Variants in EFHC1 observed in about 807,000 individuals in gnomAD.
EFHC1 encodes the protein EF-hand domain-containing protein 1.
Under a neutral mutation model 69.9 loss-of-function variants are expected in EFHC1, and 53 were observed. That is an observed-to-expected ratio of 0.76 (90% CI 0.61 to 0.95). The LOEUF (loss-of-function observed/expected upper bound fraction) is 0.95. Ranked by LOEUF, EFHC1 falls within the 40% of genes least tolerant of loss-of-function variation. The probability of loss-of-function intolerance (pLI) is 0.00; values close to 1 mark genes in which losing one functional copy is unlikely to be tolerated. For missense variants in EFHC1, 739 were observed against 798.7 expected (o/e 0.93, Z 0.90); for synonymous variants, 256 against 278.4 (o/e 0.92, Z 0.80).
intron 2 of EFHC1, among the ~76,000 whole-genome samples, chr6:52,432,414 C>G (rs938239223): frequency 6.6e-6 from 1 of 152,130 alleles, no homozygotes; most frequent in African/African-American, 2.4e-5. Flanking sequence ...GGCAAATTCT[C>G]TCAGAATTTG....
chr6:52,450,249 G>A (rs115809617), intron 3 of EFHC1, among the ~76,000 whole-genome samples: 2 of 152,138 alleles, frequency 1.3e-5, no homozygotes, highest in African/African-American at 4.8e-5. Flanking sequence ...TAGAATATGT[G>A]CCATGTGGTG....
chr6:52,420,399 G>A lies in EFHC1; in HGVS notation c.-12G>A. On this transcript the variant is annotated 5_prime_UTR_variant, in exon 1 of 11. Coordinates refer to ENST00000371068, the MANE Select transcript of EFHC1 (RefSeq NM_018100.4). Reference sequence around the variant, plus strand: ...AAGCAGGACCTAGGTGGCGGCGGTGGTACCGGCTGCAATGGTGTCCAATCC... The same window carrying A: ...AAGCAGGACCTAGGTGGCGGCGGTGATACCGGCTGCAATGGTGTCCAATCC... 1 of 1,614,240 alleles carries A rather than the reference G, an allele frequency of 6.2e-7. No individual in the cohort carries two copies. Among genetic ancestry groups the A allele is most frequent in the Non-Finnish European group, 8.5e-7 (1 of 1,180,040 alleles).
chr6:52,453,923 G>A, intron 4 of EFHC1, 172 bp from the exon 5 acceptor site: 2 of 1,482,812 alleles, frequency 1.3e-6, no homozygotes, highest in Non-Finnish European at 1.8e-6. Flanking sequence ...CATAATTTCA[G>A]ATGTTTTAGT....
At chr6:52,489,113 G>A (rs1765844503) in intron 9 of EFHC1, 1 of 152,208 alleles carries the variant, frequency 6.6e-6, no homozygotes, top group Non-Finnish European at 1.5e-5. Flanking sequence ...AGGGAAATAA[G>A]TTAAACAGAG....
rs368238981 is a variant in EFHC1 at position 52,479,674 on chromosome 6, C to A, written c.1527C>A (p.Asp509Glu). Reference sequence around the variant, plus strand: ...ACCGGTTCATCATCCTTGATACAGACGAGTATGTTTTGAAATACATGGAGA... The same window carrying A: ...ACCGGTTCATCATCCTTGATACAGAAGAGTATGTTTTGAAATACATGGAGA... ...FGHRFIILDT[D>E]EYVLKYMESN... is the part of the protein sequence containing the mutation. Residue 509 changes from aspartate to glutamate, a missense_variant, in exon 9 of 11, where the codon GAC becomes GAA. Asp to Glu is a conservative substitution (Grantham distance 45). Transcript: ENST00000371068. The A allele has an allele frequency of 1.2e-5, 20 of 1,614,042 alleles. No individual in the cohort carries two copies. The highest frequency in any genetic ancestry group is 1.7e-5 in the Non-Finnish European group (20 of 1,180,042).
intron 5 of EFHC1, among the ~76,000 whole-genome samples, chr6:52,462,701 T>C (rs1337508845): frequency 6.6e-6 from 1 of 151,950 alleles, no homozygotes; most frequent in Non-Finnish European, 1.5e-5. Context: ...GCCTGGCTAA[T>C]GTGGTGTGAA....
rs115205076 is a variant in EFHC1 at position 52,454,258 on chromosome 6, G to T, written c.887G>T (p.Arg296Leu). The T allele has an allele frequency of 6.2e-7, 1 of 1,613,978 alleles. No individual in the cohort carries two copies. Among genetic ancestry groups the T allele is most frequent in the Non-Finnish European group, 8.5e-7 (1 of 1,180,004 alleles). The change falls in exon 5 of 11, where the codon CGT becomes CTT. Residue 296 changes from arginine (R) to leucine (L), a missense_variant. Arg to Leu is a moderately radical substitution (Grantham distance 102, BLOSUM62 -2). Coordinates refer to ENST00000371068, the MANE Select transcript of EFHC1 (RefSeq NM_018100.4). ...DPFPLLMNRQ[R>L]VPKVLVENAK... is the part of the protein sequence containing the mutation. ...TTCCCACTCCTAATGAACCGCCAGC[G>T]TGTGCCCAAAGTTTTGGTGGAAAAT...
rs74377102 is a variant in EFHC1 at position 52,495,587 on chromosome 6, T to C, written c.*3246T>C. 0.053 allele frequency: 23,920 copies of C among 454,008 alleles called. 767 individuals are homozygous for C. Among genetic ancestry groups the C allele is most frequent in the South Asian group, 0.078 (5,022 of 64,480 alleles). 28.1% of individuals were successfully genotyped at this position (454,008 alleles called of 1,614,324 possible). A position where few individuals can be genotyped will look rare whatever the true frequency, so the allele number is the denominator to read the frequency against. On this transcript the variant is annotated 3_prime_UTR_variant, in exon 11 of 11. Coordinates refer to ENST00000371068, the MANE Select transcript of EFHC1 (RefSeq NM_018100.4). ...TAGCCTGCTTTTGGCTGTTTTGTTT[T>C]GTTTTTGTGTTTGTTTTTTAGAGAC...
chr6:52,446,261 A>T (rs1037748997), intron 3 of EFHC1, among the ~76,000 whole-genome samples: 2 of 152,224 alleles, frequency 1.3e-5, no homozygotes, highest in African/African-American at 4.8e-5. Context: ...GGGTGCATAT[A>T]TATTTAGGAT....
At chr6:52,452,600 C>G in intron 3 of EFHC1, 88 bp from the exon 4 acceptor site, 1 of 1,475,472 alleles carries the variant, frequency 6.8e-7, no homozygotes, top group South Asian at 1.1e-5. Flanking sequence ...CAGTGCCTGG[C>G]CCATACACTT....
chr6:52,446,473 C>G (rs898777159), intron 3 of EFHC1, among the ~76,000 whole-genome samples: 17 of 152,106 alleles, frequency 1.1e-4, no homozygotes, highest in African/African-American at 4.1e-4. Flanking sequence ...TCAGATGGGT[C>G]TCCTGAATAC....
chr6:52,461,248 T>A (rs1415569925), intron 5 of EFHC1, among the ~76,000 whole-genome samples: 1 of 152,122 alleles, frequency 6.6e-6, no homozygotes, highest in Admixed American at 6.5e-5. Flanking sequence ...TAGACCCCAG[T>A]GTGTATTGTT....
chr6:52,475,158 T>A (rs1765520284), intron 7 of EFHC1, among the ~76,000 whole-genome samples: 1 of 152,208 alleles, frequency 6.6e-6, no homozygotes, highest in South Asian at 2.1e-4. Context: ...AATTTTCAGA[T>A]GTTTTCCCCT....
At chr6:52,458,276 A>G (rs1004017885) in intron 5 of EFHC1, among the ~76,000 whole-genome samples, 3 of 152,196 alleles carry the variant, frequency 2.0e-5, no homozygotes, top group Non-Finnish European at 2.9e-5. Flanking sequence ...GGGAAAAAAA[A>G]AGCAAATGTA....
intron 1 of EFHC1, among the ~76,000 whole-genome samples, chr6:52,423,500 T>G (rs1159283201): frequency 6.6e-6 from 1 of 151,982 alleles, no homozygotes; most frequent in Admixed American, 6.6e-5. Context: ...GTAGGTAAGC[T>G]TTTGTTTTGT....
At position 52,454,135 on chromosome 6, in the gene EFHC1, T is replaced by TGTATGA; in HGVS notation, c.769_770insAGTATG (p.Tyr256_Gly257insGluTyr). The TGTATGA allele has an allele frequency of 6.2e-7, 1 of 1,614,062 alleles. No individual in the cohort carries two copies. Among genetic ancestry groups the TGTATGA allele is most frequent in the East Asian group, 2.2e-5 (1 of 44,884 alleles). On this transcript the variant is annotated inframe_insertion, in exon 5 of 11. Coordinates refer to ENST00000371068, the MANE Select transcript of EFHC1 (RefSeq NM_018100.4). The stretch of plus-strand genomic sequence containing the variant: ...GCAATCTGGGATGATACAGACAGCA[T>TGTATGA]GTATGGTGAATGTCGGACCTACATC...
chr6:52,453,097 G>A, intron 4 of EFHC1: 1 of 1,454,604 alleles, frequency 6.9e-7, no homozygotes, highest in Non-Finnish European at 9.1e-7. Flanking sequence ...AAATCTCAAA[G>A]CAATTCCTGA....
Position 52,495,126 on chromosome 6 carries a change from A to C in EFHC1, c.*2785A>C. 2 of 454,046 alleles carry C rather than the reference A, an allele frequency of 4.4e-6. No homozygotes were observed. The highest frequency in any genetic ancestry group is 3.1e-5 in the South Asian group (2 of 64,474). 28.1% of individuals were successfully genotyped at this position (454,046 alleles called of 1,614,324 possible). On this transcript the variant is annotated 3_prime_UTR_variant, in exon 11 of 11. Transcript: ENST00000371068. ...CAAGGCTCCTTCTGATCTTCCCAGG[A>C]GGCCCTTTCAGGCTGACACACCTTC...
At position 52,440,146 on chromosome 6, in the gene EFHC1, A is replaced by G. The variant is rs116786467; in HGVS notation, c.573+1555A>G. On this transcript the variant is annotated intron_variant, in intron 3 of 10. Transcript: ENST00000371068. ...CTGAATTAGTGAATACTGAACCACT[A>G]GTCTTAGAGGAAATACAGGGTTAGG... Among the ~76,000 whole-genome samples the G allele has an allele frequency of 5.6e-3, 846 of 152,250 alleles. 8 individuals are homozygous for G. Among genetic ancestry groups the G allele is most frequent in the African/African-American group, 0.019 (795 of 41,560 alleles).
Sources: allele counts gnomAD v4.1 joint callset (sites outside exome capture counted in the v4.1 genomes callset), GRCh38; gene constraint gnomAD v4.1.1; transcripts MANE v1.5; gene names NCBI Gene and HGNC (gene_info 2026-07-23, HGNC 2026-07-21).